HIF3A: variants seen among roughly 807,000 people sequenced by gnomAD.
HIF3A encodes the protein hypoxia-inducible factor 3-alpha.
Under a neutral mutation model 67.2 loss-of-function variants are expected in HIF3A, and 41 were observed. That is an observed-to-expected ratio of 0.61 (90% CI 0.48 to 0.79). The LOEUF (loss-of-function observed/expected upper bound fraction) is 0.79, where lower values mean the gene tolerates loss of function less well. HIF3A is among the 30% of genes least tolerant of loss of function. The probability of loss-of-function intolerance (pLI) is 0.00; values close to 1 mark genes in which losing one functional copy is unlikely to be tolerated. For missense variants in HIF3A, 855 were observed against 898.0 expected (o/e 0.95, Z 0.61); for synonymous variants, 356 against 374.8 (o/e 0.95, Z 0.58).
At chr19:46,307,991 CAGACAGACAGATA>C (rs1969032948) in intron 3 of HIF3A, among the ~76,000 whole-genome samples, 1 of 138,036 alleles carries the variant, frequency 7.2e-6, no homozygotes, top group Non-Finnish European at 1.6e-5. Context: ...GACAGACAGA[CAGACAGACAGATA>C]GATAGATAGA....
Position 46,340,043 on chromosome 19 carries a change from CCTT to C in HIF3A, c.*425_*427del, listed in dbSNP as rs778171933. 4 of 169,790 alleles carry C rather than the reference CCTT, an allele frequency of 2.4e-5. No homozygotes were observed. Among genetic ancestry groups the C allele is most frequent in the Non-Finnish European group, 3.7e-5 (3 of 80,342 alleles). The allele number at this position is 169,790 out of a possible 1,614,324, so 10.5% of individuals were successfully genotyped here. On this transcript the variant is annotated 3_prime_UTR_variant, in exon 15 of 15. Coordinates refer to ENST00000377670, the MANE Select transcript of HIF3A (RefSeq NM_152795.4). ...TCAACGTGATCACATTTCCTTCTATCCTTCTTGTATTATTATTTTTATTTTTGT... is the reference window on the plus strand; with the variant it reads ...TCAACGTGATCACATTTCCTTCTATCCTTGTATTATTATTTTTATTTTTGT...
At chr19:46,329,913 C>T (rs1971065257) in intron 12 of HIF3A, among the ~76,000 whole-genome samples, 1 of 136,680 alleles carries the variant, frequency 7.3e-6, no homozygotes, top group Non-Finnish European at 1.5e-5. Flanking sequence ...GCGAGCTGTG[C>T]TTGTGCCACT....
At chr19:46,337,568 G>A (rs557252917) in intron 14 of HIF3A, among the ~76,000 whole-genome samples, 6 of 152,156 alleles carry the variant, frequency 3.9e-5, no homozygotes, top group Admixed American at 6.5e-5. Flanking sequence ...TGTCTTCTTT[G>A]GGGAAAAGCA....
chr19:46,304,631 C>G (rs946063687), intron 2 of HIF3A, among the ~76,000 whole-genome samples: 4 of 152,074 alleles, frequency 2.6e-5, no homozygotes, highest in African/African-American at 9.7e-5. Flanking sequence ...CGTGCACGCG[C>G]GCGTGCACAC....
intron 1 of HIF3A, among the ~76,000 whole-genome samples, chr19:46,300,823 C>T (rs1235040699): frequency 1.3e-5 from 2 of 152,194 alleles, no homozygotes; most frequent in African/African-American, 4.8e-5. Context: ...CCCAGTAGAA[C>T]ATCCAGAGGG....
At chr19:46,304,179 T>G (rs1035602964) in intron 2 of HIF3A, 91 bp downstream of exon 2, 10 of 1,186,324 alleles carry the variant, frequency 8.4e-6, no homozygotes, top group Middle Eastern at 2.8e-4. Context: ...CCGGGAAGCC[T>G]TATTCTGACA....
intron 11 of HIF3A, 33 bp downstream of exon 11, chr19:46,325,672 GC>G (rs1246425237): frequency 1.4e-6 from 2 of 1,442,546 alleles, no homozygotes; most frequent in Non-Finnish European, 1.9e-6. Context: ...GTAATCCTCA[GC>G]CCTGTGTTCT....
intron 3 of HIF3A, among the ~76,000 whole-genome samples, chr19:46,305,868 G>A (rs1968803577): frequency 2.0e-5 from 3 of 152,182 alleles, no homozygotes; most frequent in Admixed American, 2.0e-4. Context: ...CTTGAGTTCA[G>A]GAGTTCAGTG....
At chr19:46,308,048 T>A (rs149599951) in intron 3 of HIF3A, among the ~76,000 whole-genome samples, 173 bp from the exon 4 acceptor site, 5 of 152,232 alleles carry the variant, frequency 3.3e-5, no homozygotes, top group Non-Finnish European at 7.4e-5. Flanking sequence ...ATGCGCTGAA[T>A]AAATGCTTGC....
At position 46,297,674 on chromosome 19, in the gene HIF3A, C is replaced by G. The variant is rs1335327913; in HGVS notation, c.26+572C>G. On this transcript the variant is annotated intron_variant, in intron 1 of 14. Coordinates refer to ENST00000377670, the MANE Select transcript of HIF3A (RefSeq NM_152795.4). This position sits in a 1 kb window ranked among gnomAD's most constrained non-coding sequence, Gnocchi z 4.5. ...ACACAGTCTCCTAAACATTGGGTTT[C>G]CCTAGAAATGGGCAGAGGGGAGCCC... 6.6e-6 allele frequency among the ~76,000 whole-genome samples: 1 copy of G among 152,058 alleles called. No individual in the cohort carries two copies. Among genetic ancestry groups the G allele is most frequent in the Non-Finnish European group, 1.5e-5 (1 of 67,992 alleles).
intron 8 of HIF3A, 57 bp from the exon 9 acceptor site, chr19:46,320,385 TG>T: frequency 7.2e-7 from 1 of 1,384,424 alleles, no homozygotes; most frequent in Non-Finnish European, 1.0e-6. Context: ...ACAGGCTTTC[TG>T]GGCTGGAGCC....
At position 46,330,047 on chromosome 19, in the gene HIF3A, A is replaced by AGGAG. The variant is rs567991794; in HGVS notation, c.1712+585_1712+588dup. ...AAGGAAAGAAGAAGGAAGGAAGGGA[A>AGGAG]GGAGGGAGGGAGGGAGGGAAGGAAT... On this transcript the variant is annotated intron_variant, in intron 12 of 14. Coordinates refer to ENST00000377670, the MANE Select transcript of HIF3A (RefSeq NM_152795.4). 3.2e-3 allele frequency among the ~76,000 whole-genome samples: 442 copies of AGGAG among 136,378 alleles called. 4 individuals are homozygous for AGGAG. Among genetic ancestry groups the AGGAG allele is most frequent in the African/African-American group, 0.011 (421 of 37,600 alleles). The allele number at this position is 136,378 out of a possible 152,430, so 89.5% of individuals were successfully genotyped here.
intron 10 of HIF3A, among the ~76,000 whole-genome samples, chr19:46,322,801 T>C (rs1970474115): frequency 6.6e-6 from 1 of 151,912 alleles, no homozygotes; most frequent in Admixed American, 6.6e-5. Context: ...CTTATTTAGG[T>C]TTACTGGTTC....
chr19:46,322,486 C>A (rs1970446836), intron 10 of HIF3A, among the ~76,000 whole-genome samples: 1 of 152,160 alleles, frequency 6.6e-6, no homozygotes, highest in Non-Finnish European at 1.5e-5. Context: ...GTCACCCAGG[C>A]TGGAATGCAG....
intron 1 of HIF3A, among the ~76,000 whole-genome samples, chr19:46,298,912 T>A (rs1968093825): frequency 6.7e-6 from 1 of 150,014 alleles, no homozygotes; most frequent in African/African-American, 2.5e-5. Context: ...CCCAGCTGGG[T>A]GTCAGAATAG....
chr19:46,336,561 G>A (rs770131322), intron 14 of HIF3A, among the ~76,000 whole-genome samples: 3 of 152,050 alleles, frequency 2.0e-5, no homozygotes, highest in Non-Finnish European at 2.9e-5. Context: ...GTGTGTGTGT[G>A]TGTTTAGTAG....
chr19:46,308,754 C>T lies in HIF3A; in HGVS notation c.540C>T (p.Asn180=). Residue 180 remains asparagine, a synonymous_variant, in exon 5 of 15, where the codon AAC becomes AAT. Coordinates refer to ENST00000377670, the MANE Select transcript of HIF3A (RefSeq NM_152795.4). ...TCACCAGCCGCGGGCGCACCCTCAA[C>T]CTCAAGGCGGCCACCTGGAAGGTGC... ...STLTSRGRTL[N]LKAATWKVLN... The T allele has an allele frequency of 6.2e-7, 1 of 1,608,372 alleles. No individual in the cohort carries two copies. Among genetic ancestry groups the T allele is most frequent in the Non-Finnish European group, 8.5e-7 (1 of 1,177,426 alleles).
chr19:46,309,197 A>G lies in HIF3A; in HGVS notation c.608A>G (p.Gln203Arg). The change falls in exon 6 of 15, where the codon CAG (glutamine) becomes CGG (arginine). Residue 203 changes from glutamine (Q) to arginine (R), a missense_variant. Around this residue, in one of 3 missense-constraint regions of HIF3A, gnomAD observed 638 missense variants for 660.5 expected, o/e 0.97. Coordinates refer to ENST00000377670, the MANE Select transcript of HIF3A (RefSeq NM_152795.4). The part of the protein sequence containing the change: ...GHMRAYKPPA[Q>R]TSPAGSPDSE... ...ATGAGGGCCTACAAGCCACCTGCGC[A>G]GACTTCTCCAGCTGGGAGCCCTGAC... 1 of 1,614,074 alleles carries G rather than the reference A, an allele frequency of 6.2e-7. No homozygotes were observed. The highest frequency in any genetic ancestry group is 8.5e-7 in the Non-Finnish European group (1 of 1,179,980).
rs1324919988 is a variant in HIF3A, at chr19:46,297,312, TG to T, written c.26+212del. 6.6e-6 allele frequency among the ~76,000 whole-genome samples: 1 copy of T among 152,118 alleles called. No homozygotes were observed. The highest frequency in any genetic ancestry group is 1.9e-4 in the East Asian group (1 of 5,180). On this transcript the variant is annotated intron_variant, in intron 1 of 14. Transcript: ENST00000377670. The surrounding 1 kb of genome is among the most constrained non-coding windows in gnomAD (Gnocchi z 4.5). ...TACGTCTCTGGCTGCCCCGCCCCTCTGGCCAAGAGCGGCTTCGGGGTTCCCG... is the reference window on the plus strand; with the variant it reads ...TACGTCTCTGGCTGCCCCGCCCCTCTGCCAAGAGCGGCTTCGGGGTTCCCG...
Sources: allele counts gnomAD v4.1 joint callset (sites outside exome capture counted in the v4.1 genomes callset), GRCh38; gene constraint gnomAD v4.1.1; regional missense constraint gnomAD v4.1.1; non-coding constraint Gnocchi (gnomAD v3.1); transcripts MANE v1.5; gene names NCBI Gene and HGNC (gene_info 2026-07-23, HGNC 2026-07-21).